The following INTS6 variants were observed in gnomAD, a reference collection of about 807,000 sequenced individuals.
INTS6 encodes the protein DEAD box protein.
A neutral mutation model predicts 104.9 loss-of-function variants in INTS6; 16 were observed. The observed-to-expected ratio is 0.15, with a 90% CI of 0.10 to 0.23. The LOEUF is 0.23. Among genes scored for constraint, INTS6 ranks in the 10% least tolerant of loss-of-function variants. The pLI is 1.00. For missense variants in INTS6, 584 were observed against 1,062.8 expected, an observed-to-expected ratio of 0.55 and a Z score of 6.26; for synonymous variants, 324 against 358.7, an observed-to-expected ratio of 0.90 and a Z score of 1.09.
chr13:51,361,900 C>G lies in INTS6; in HGVS notation c.*3852G>C. ...CTGAGAGAACCTAACACAGGTATTACAGTATTTTTTGACAGGATTCAGATA... is the reference window on the plus strand; with the variant it reads ...CTGAGAGAACCTAACACAGGTATTAGAGTATTTTTTGACAGGATTCAGATA... On this transcript the variant is annotated 3_prime_UTR_variant, in exon 18 of 18. Transcript: ENST00000311234. 1 of 1,611,522 alleles carries G rather than the reference C, an allele frequency of 6.2e-7. No homozygotes were observed.
In INTS6 at chr13:51,378,303, G is replaced by C. The variant is rs774301578; in HGVS notation, c.1538C>G (p.Pro513Arg). Residue 513 changes from proline (P) to arginine (R), a missense_variant, in exon 12 of 18, where the codon CCT becomes CGT. Coordinates refer to ENST00000311234, the MANE Select transcript of INTS6 (RefSeq NM_012141.3). Reference protein sequence around the residue: ...QLLQGISEDVPHRLLDLNMKE... With the variant: ...QLLQGISEDVRHRLLDLNMKE... ...CATATTAAGGTCTAGCAGTCTGTGA[G>C]GGACATCCTCTGAAATTCCCTGGAG... is the stretch of plus-strand genomic sequence containing the variant. 4 of 1,613,374 alleles carry C rather than the reference G, an allele frequency of 2.5e-6. No individual in the cohort carries two copies. Among genetic ancestry groups the C allele is most frequent in the Non-Finnish European group, 3.4e-6 (4 of 1,179,520 alleles).
rs879789483 is a variant in INTS6, at chr13:51,450,163, T to C, written c.339+862A>G. ...CAATATATAATTAGGAATAGTGCTT[T>C]TCACTACAACATAAGAACTGAGCTC... is the stretch of plus-strand genomic sequence containing the variant. On this transcript the variant is annotated intron_variant, in intron 3 of 17. Coordinates refer to ENST00000311234, the MANE Select transcript of INTS6 (RefSeq NM_012141.3). 7 of 984,868 alleles carry C rather than the reference T, an allele frequency of 7.1e-6. No homozygotes were observed. The African/African-American group carries it at 1.2e-4, about 17-fold the overall frequency. The allele number at this position is 984,868 out of a possible 1,614,324, so 61.0% of individuals were successfully genotyped here.
At chr13:51,346,960 A>C in the INTS6 span, 3 of 1,236,058 alleles carry the variant, frequency 2.4e-6, no homozygotes, top group South Asian at 2.6e-5. Flanking sequence ...GTCCGCACAC[A>C]CACTGGGTTC....
At chr13:51,379,646 A>G in intron 10 of INTS6, 74 bp from the exon 11 acceptor site, 1 of 761,584 alleles carries the variant, frequency 1.3e-6, no homozygotes. Flanking sequence ...AGTCTGTCTT[A>G]AAATTTTCTC....
chr13:51,355,122 G>C (rs1296901688), intron 3 of INTS6: 1 of 1,537,220 alleles, frequency 6.5e-7, no homozygotes, highest in Non-Finnish European at 8.8e-7. Flanking sequence ...TCCACTCAAA[G>C]CTAACTTGAA....
the INTS6 span, among the ~76,000 whole-genome samples, chr13:51,334,982 CA>C: frequency 0.22 from 15,680 of 70,870 alleles, 433 homozygotes; most frequent in South Asian, 0.28. Context: ...GACTCCGTCT[CA>C]AAAAAAAAAA....
intron 3 of INTS6, chr13:51,450,728 T>C: frequency 9.7e-7 from 1 of 1,033,800 alleles, no homozygotes; most frequent in Non-Finnish European, 1.2e-6. Context: ...TGTGGTAGGA[T>C]GCTTTTCCTT....
downstream of INTS6, among the ~76,000 whole-genome samples, chr13:51,359,885 TAGAGAA>T (rs1005191481): frequency 1.3e-5 from 2 of 152,048 alleles, no homozygotes; most frequent in Non-Finnish European, 2.9e-5. Flanking sequence ...TTAAAGACCC[TAGAGAA>T]AAAGACCAAC....
chr13:51,394,155 A>C (rs1274872236), intron 5 of INTS6, among the ~76,000 whole-genome samples: 1 of 152,180 alleles, frequency 6.6e-6, no homozygotes, highest in Non-Finnish European at 1.5e-5. Context: ...AATATTATCT[A>C]TGTAACGAGA....
At chr13:51,451,746 G>A (rs1340754560) in intron 2 of INTS6, among the ~76,000 whole-genome samples, 1 of 149,946 alleles carries the variant, frequency 6.7e-6, no homozygotes, top group Non-Finnish European at 1.5e-5. Context: ...CGCCGCCGCC[G>A]CTGCCGGGCC....
At chr13:51,370,402 A>C (rs1345888739) in intron 15 of INTS6, among the ~76,000 whole-genome samples, 1 of 152,052 alleles carries the variant, frequency 6.6e-6, no homozygotes, top group Non-Finnish European at 1.5e-5. Context: ...TCTTAGGCCA[A>C]TCTCCAGGGT....
chr13:51,422,998 T>C (rs1346408560), intron 4 of INTS6: 4 of 1,128,860 alleles, frequency 3.5e-6, no homozygotes, highest in East Asian at 1.2e-4. Flanking sequence ...ATGAGATTTA[T>C]CTTAATGTAT....
chr13:51,400,562 T>G (rs1197072981), intron 4 of INTS6, among the ~76,000 whole-genome samples: 1 of 152,212 alleles, frequency 6.6e-6, no homozygotes, highest in Non-Finnish European at 1.5e-5. Flanking sequence ...ATCCTTTCTA[T>G]GCTGCACTAG....
At chr13:51,449,477 A>G (rs1269161864) in intron 3 of INTS6, 1 of 985,242 alleles carries the variant, frequency 1.0e-6, no homozygotes, top group African/African-American at 1.7e-5. Flanking sequence ...TTTCGAAGGA[A>G]GCAATCTTTA....
At chr13:51,435,041 T>A (rs1957161014) in intron 3 of INTS6, among the ~76,000 whole-genome samples, 1 of 151,976 alleles carries the variant, frequency 6.6e-6, no homozygotes. Flanking sequence ...ATAAAGTCAC[T>A]CAGTTGGGAG....
chr13:51,376,648 A>G (rs1955936954), intron 12 of INTS6, among the ~76,000 whole-genome samples: 1 of 152,120 alleles, frequency 6.6e-6, no homozygotes, highest in Non-Finnish European at 1.5e-5. Context: ...CACTATTCCT[A>G]TCCCCAGGCA....
chr13:51,364,363 AT>A lies in INTS6; in HGVS notation c.*1388del. ...TGCTATACCCTTGAAATTTAAAAAA[AT>A]GTCTGATAAAGTGTAAAAAGCTAAG... On this transcript the variant is annotated 3_prime_UTR_variant, in exon 18 of 18. Transcript: ENST00000311234. The A allele has an allele frequency of 1.3e-6, 1 of 760,036 alleles. No individual in the cohort carries two copies. Among genetic ancestry groups the A allele is most frequent in the South Asian group, 2.0e-5 (1 of 49,474 alleles). The allele number at this position is 760,036 out of a possible 1,614,324, so 47.1% of individuals were successfully genotyped here.
chr13:51,431,206 A>G (rs1262593683), intron 3 of INTS6, among the ~76,000 whole-genome samples: 1 of 152,202 alleles, frequency 6.6e-6, no homozygotes, highest in East Asian at 1.9e-4. Flanking sequence ...CATTTGAAGG[A>G]CTGACAGAAC....
chr13:51,428,965 T>C (rs1957034038), intron 4 of INTS6, among the ~76,000 whole-genome samples: 1 of 152,190 alleles, frequency 6.6e-6, no homozygotes, highest in Non-Finnish European at 1.5e-5. Flanking sequence ...GAAAGAATAA[T>C]ACTATATACT....
Sources: gnomAD v4.1 joint callset for allele counts (sites outside exome capture counted in the v4.1 genomes callset) on GRCh38, gnomAD v4.1.1 for gene constraint, MANE v1.5 for transcripts, NCBI Gene and HGNC (gene_info 2026-07-23, HGNC 2026-07-21) for gene names.